PSIP1: variants seen among roughly 807,000 people sequenced by gnomAD.
PSIP1 encodes PC4 and SRSF1 interacting protein 1, also known as PC4 and SFRS1-interacting protein.
A neutral mutation model predicts 74.7 loss-of-function variants in PSIP1; 19 were observed. The observed-to-expected ratio is 0.25, with a 90% CI of 0.18 to 0.37. The LOEUF (loss-of-function observed/expected upper bound fraction) is 0.37. PSIP1 is among the 10% of genes least tolerant of loss of function. The pLI is 1.00. For synonymous variants in PSIP1, 222 were observed against 195.3 expected, an observed-to-expected ratio of 1.14 and a Z score of -1.14; for missense variants, 601 against 614.3, an observed-to-expected ratio of 0.98 and a Z score of 0.23.
rs575289041 is a variant in PSIP1 at position 15,467,241 on chromosome 9, A to T, written c.1421-382T>A. ...CTACCACGGAAAAGCAATGTGAATC[A>T]AATTTTAAAATTTACTATTTTAGAA... On this transcript the variant is annotated intron_variant, in intron 14 of 15. Coordinates refer to ENST00000380733, the MANE Select transcript of PSIP1 (RefSeq NM_033222.5). Among the ~76,000 whole-genome samples, 80 of 152,344 alleles carry T rather than the reference A, an allele frequency of 5.3e-4. 2 individuals carry two copies. Among genetic ancestry groups the T allele is most frequent in the Admixed American group, 5.1e-3 (78 of 15,302 alleles).
At chr9:15,487,005 A>ATT in intron 4 of PSIP1, 74 bp from the exon 5 acceptor site, 69 of 868,538 alleles carry the variant, frequency 7.9e-5, no homozygotes, top group East Asian at 1.0e-4. Context: ...CTTTATTTTT[A>ATT]TTTTTTTTTT....
At chr9:15,498,210 G>A (rs977278696) in intron 3 of PSIP1, among the ~76,000 whole-genome samples, 5 of 152,166 alleles carry the variant, frequency 3.3e-5, no homozygotes, top group African/African-American at 9.7e-5. Context: ...GAGGTCAGGA[G>A]TTCGAGACCA....
At chr9:15,469,605 C>CT in intron 11 of PSIP1, among the ~76,000 whole-genome samples, 1 of 152,110 alleles carries the variant, frequency 6.6e-6, no homozygotes, top group Non-Finnish European at 1.5e-5. Context: ...CATATGATAA[C>CT]TCCTCTGCTC....
rs75758667 is a variant in PSIP1 at position 15,472,425 on chromosome 9, G to C, written c.977+207C>G. The C allele has an allele frequency of 4.6e-3, 6,240 of 1,361,120 alleles. 228 individuals are homozygous for C. In the African/African-American group the frequency reaches 0.085, roughly 19 times the overall value. 84.3% of individuals were successfully genotyped at this position (1,361,120 alleles called of 1,614,324 possible). A position where few individuals can be genotyped will look rare whatever the true frequency, so the allele number is the denominator to read the frequency against. On this transcript the variant is annotated intron_variant, in intron 10 of 15. Coordinates refer to ENST00000380733, the MANE Select transcript of PSIP1 (RefSeq NM_033222.5). ...TTTAAATTCAAAAATAATTCACAGA[G>C]TGACTGCCTCAGTCAATTTCATCCT...
chr9:15,496,037 G>A (rs1213948692), intron 3 of PSIP1, among the ~76,000 whole-genome samples: 3 of 152,116 alleles, frequency 2.0e-5, no homozygotes, highest in African/African-American at 7.2e-5. Context: ...GGAGACAGAG[G>A]CCAACTATAC....
chr9:15,468,581 G>T, intron 14 of PSIP1, 49 bp downstream of exon 14: 1 of 1,569,646 alleles, frequency 6.4e-7, no homozygotes, highest in Non-Finnish European at 8.8e-7. Flanking sequence ...AGCAGTCCTG[G>T]CAAATGGTTT....
At chr9:15,508,134 A>G (rs558159445) in intron 2 of PSIP1, among the ~76,000 whole-genome samples, 2 of 152,354 alleles carry the variant, frequency 1.3e-5, no homozygotes, top group East Asian at 3.9e-4. Flanking sequence ...GTAAACGATT[A>G]TGTACATGAA....
chr9:15,504,467 G>C (rs1422320776), intron 3 of PSIP1, among the ~76,000 whole-genome samples: 1 of 152,184 alleles, frequency 6.6e-6, no homozygotes. Context: ...ATATATAGAA[G>C]TATAAAATCG....
At chr9:15,505,478 A>T (rs1404529188) in intron 3 of PSIP1, 1 of 152,192 alleles carries the variant, frequency 6.6e-6, no homozygotes, top group Non-Finnish European at 1.5e-5. Context: ...AATTATGATG[A>T]AGGCCAAACC....
chr9:15,472,137 C>T, intron 10 of PSIP1: 1 of 984,318 alleles, frequency 1.0e-6, no homozygotes, highest in Non-Finnish European at 1.2e-6. Context: ...TTATATTGCA[C>T]ATACATAATA....
At chr9:15,465,639 A>G in intron 15 of PSIP1, 59 bp from the exon 16 acceptor site, 1 of 1,372,020 alleles carries the variant, frequency 7.3e-7, no homozygotes, top group East Asian at 2.3e-5. Flanking sequence ...TGAAGGAAAA[A>G]AAGACATTAA....
chr9:15,473,573 T>C (rs1047980615), intron 9 of PSIP1, among the ~76,000 whole-genome samples: 1 of 152,148 alleles, frequency 6.6e-6, no homozygotes, highest in African/African-American at 2.4e-5. Flanking sequence ...TTTATAGACT[T>C]CCTCCAAAAT....
chr9:15,496,880 C>T (rs2132181134), intron 3 of PSIP1, among the ~76,000 whole-genome samples: 1 of 152,196 alleles, frequency 6.6e-6, no homozygotes, highest in Admixed American at 6.5e-5. Context: ...CAATATACTA[C>T]CGTCACTCCC....
intron 8 of PSIP1, among the ~76,000 whole-genome samples, chr9:15,475,887 T>G (rs548394683): frequency 6.6e-6 from 1 of 152,298 alleles, no homozygotes; most frequent in South Asian, 2.1e-4. Flanking sequence ...TCTTTTAATA[T>G]ATGTTAATAT....
At chr9:15,478,409 G>A in intron 8 of PSIP1, 68 bp downstream of exon 8, 1 of 1,113,116 alleles carries the variant, frequency 9.0e-7, no homozygotes, top group East Asian at 2.5e-5. Context: ...TAAAATCGCA[G>A]AGATATGTGC....
intron 6 of PSIP1, among the ~76,000 whole-genome samples, chr9:15,484,303 A>AAT (rs1554659392): frequency 1.3e-5 from 2 of 150,796 alleles, no homozygotes; most frequent in Admixed American, 6.6e-5. Flanking sequence ...CAAAAAAAAA[A>AAT]ATATATATAT....
chr9:15,473,301 C>A (rs866932946), intron 9 of PSIP1, among the ~76,000 whole-genome samples: 3 of 152,106 alleles, frequency 2.0e-5, no homozygotes, highest in African/African-American at 7.2e-5. Flanking sequence ...TTAAGAACTT[C>A]TTGGGGGTAA....
intron 8 of PSIP1, among the ~76,000 whole-genome samples, chr9:15,477,369 T>G (rs2036135264): frequency 6.6e-6 from 1 of 152,160 alleles, no homozygotes; most frequent in African/African-American, 2.4e-5. Flanking sequence ...GTCTACTCTC[T>G]TAGTAATTTT....
intron 9 of PSIP1, among the ~76,000 whole-genome samples, chr9:15,473,002 A>T (rs917838799): frequency 6.6e-6 from 1 of 152,186 alleles, no homozygotes; most frequent in Non-Finnish European, 1.5e-5. Flanking sequence ...ATAGTATGTC[A>T]GTCTGTTTGC....
Sources: gnomAD v4.1 joint callset for allele counts (sites outside exome capture counted in the v4.1 genomes callset) on GRCh38, gnomAD v4.1.1 for gene constraint, MANE v1.5 for transcripts, NCBI Gene and HGNC (gene_info 2026-07-23, HGNC 2026-07-21) for gene names.